TLE1: variants seen among roughly 807,000 people sequenced by gnomAD.
TLE1 encodes TLE family member 1, transcriptional corepressor.
TLE1 carries 21 observed loss-of-function variants against 89.8 expected under a neutral mutation model. The observed-to-expected ratio is 0.23, with a 90% confidence interval of 0.17 to 0.34. The LOEUF (loss-of-function observed/expected upper bound fraction) is 0.34, where lower values mean the gene tolerates loss of function less well. Ranked by LOEUF, TLE1 falls within the 10% of genes least tolerant of loss-of-function variation. TLE1 has a pLI of 1.00. For missense variants in TLE1, 795 were observed against 1,031.2 expected (o/e 0.77, Z 3.14); for synonymous variants, 447 against 407.6 (o/e 1.10, Z -1.16).
At chr9:81,657,904 ATTTTTTT>A (rs34624864) in intron 4 of TLE1, among the ~76,000 whole-genome samples, 1 of 134,014 alleles carries the variant, frequency 7.5e-6, no homozygotes, top group Non-Finnish European at 1.6e-5. Flanking sequence ...TACAGACATA[ATTTTTTT>A]TTTTTTTTTT....
chr9:81,643,161 T>A (rs1828370072), intron 6 of TLE1, among the ~76,000 whole-genome samples: 2 of 152,120 alleles, frequency 1.3e-5, no homozygotes, highest in African/African-American at 4.8e-5. Context: ...TACAACACGG[T>A]GACTATAGTT....
intron 6 of TLE1, among the ~76,000 whole-genome samples, chr9:81,648,233 A>G (rs1330904026): frequency 6.8e-6 from 1 of 147,098 alleles, no homozygotes; most frequent in African/African-American, 2.5e-5. Flanking sequence ...AGATCACACC[A>G]CTGCACTCCA....
intron 6 of TLE1, among the ~76,000 whole-genome samples, chr9:81,647,283 A>C (rs985830486): frequency 6.6e-6 from 1 of 152,342 alleles, no homozygotes; most frequent in Non-Finnish European, 1.5e-5. Flanking sequence ...TCTTGTGCCA[A>C]CAATGACACT....
intron 4 of TLE1, among the ~76,000 whole-genome samples, chr9:81,664,221 C>T (rs2132820697): frequency 6.6e-6 from 1 of 151,692 alleles, no homozygotes; most frequent in Non-Finnish European, 1.5e-5. Flanking sequence ...TCGAGACCAG[C>T]CTGGGCAACA....
At chr9:81,682,283 C>G (rs1003183328) in intron 4 of TLE1, among the ~76,000 whole-genome samples, 4 of 151,332 alleles carry the variant, frequency 2.6e-5, no homozygotes, top group African/African-American at 7.3e-5. Flanking sequence ...AGCAGCAGCA[C>G]AGACAACCCT....
chr9:81,640,403 A>G (rs980252428), intron 6 of TLE1, among the ~76,000 whole-genome samples: 1 of 152,184 alleles, frequency 6.6e-6, no homozygotes, highest in African/African-American at 2.4e-5. Flanking sequence ...AATTAAAAAA[A>G]AAAAAAAATC....
chr9:81,638,435 A>AGCGCTCCTCT, intron 6 of TLE1, among the ~76,000 whole-genome samples: 1 of 152,216 alleles, frequency 6.6e-6, no homozygotes, highest in Non-Finnish European at 1.5e-5. Context: ...CCAAAAGGAC[A>AGCGCTCCTCT]GCGCTCCTCT....
At chr9:81,624,726 G>C (rs1825700279) in intron 8 of TLE1, among the ~76,000 whole-genome samples, 1 of 151,994 alleles carries the variant, frequency 6.6e-6, no homozygotes, top group South Asian at 2.1e-4. Context: ...TCTATTACAA[G>C]TGTCCCAAGG....
chr9:81,610,108 GA>G, intron 14 of TLE1, 111 bp downstream of exon 14: 1 of 922,928 alleles, frequency 1.1e-6, no homozygotes, highest in Non-Finnish European at 1.7e-6. Flanking sequence ...AAAGACACCA[GA>G]AATCTCCTTG....
chr9:81,679,184 A>G (rs567060516), intron 4 of TLE1, among the ~76,000 whole-genome samples: 4 of 152,164 alleles, frequency 2.6e-5, no homozygotes, highest in Admixed American at 6.5e-5. Context: ...TGAAACATGT[A>G]ATTTTGCTAA....
rs1829382718 is a variant in TLE1, at chr9:81,590,842, T to C, written c.1792A>G (p.Ile598Val). The change falls in exon 16 of 20, where the codon ATC becomes GTC. Residue 598 changes from isoleucine to valine, a missense_variant. By Grantham distance (29) the Ile-to-Val change is conservative (BLOSUM62 3). This residue lies in a region of TLE1 where 214 missense variants were observed against 354.9 expected (regional missense o/e 0.60). Transcript: ENST00000376499. ...TGGTTGTGCAGATCCCACACAGCGATGTTGCCGTCGCTGCAGCATGAGAAG... is the reference window on the plus strand; with the variant it reads ...TGGTTGTGCAGATCCCACACAGCGACGTTGCCGTCGCTGCAGCATGAGAAG... ...VCFSCCSDGN[I>V]AVWDLHNQTL... 1 of 1,614,206 alleles carries C rather than the reference T, an allele frequency of 6.2e-7. No homozygotes were observed.
chr9:81,663,607 T>TAGACTTGCTA (rs1831090533), intron 4 of TLE1, among the ~76,000 whole-genome samples: 1 of 149,870 alleles, frequency 6.7e-6, no homozygotes, highest in African/African-American at 2.5e-5. Flanking sequence ...AGCAGAGGTA[T>TAGACTTGCTA]CCGCACAGAA....
rs1005242650 is a variant in TLE1, at chr9:81,687,203, A to T, written c.125+131T>A. 6 of 654,084 alleles carry T rather than the reference A, an allele frequency of 9.2e-6. No homozygotes were observed. In the South Asian group the frequency reaches 1.3e-4, roughly 14 times the overall value. 40.5% of individuals were successfully genotyped at this position (654,084 alleles called of 1,614,324 possible). On this transcript the variant is annotated intron_variant, in intron 2 of 19. Coordinates refer to ENST00000376499, the MANE Select transcript of TLE1 (RefSeq NM_005077.5). ...CAGGAAAGGGGGTAACTTGAATGACAGGTCTTAACTGAGACTCCACACGCC... is the reference window on the plus strand; with the variant it reads ...CAGGAAAGGGGGTAACTTGAATGACTGGTCTTAACTGAGACTCCACACGCC...
At chr9:81,687,529 CAT>C (rs532748618) in intron 1 of TLE1, 95 bp from the exon 2 acceptor site, 140 of 938,374 alleles carry the variant, frequency 1.5e-4, no homozygotes, top group African/African-American at 3.6e-4. Flanking sequence ...GGGACATAAA[CAT>C]AAAGTTAGAA....
intron 4 of TLE1, among the ~76,000 whole-genome samples, chr9:81,676,680 A>G (rs952953599): frequency 2.6e-5 from 4 of 152,206 alleles, no homozygotes; most frequent in Non-Finnish European, 5.9e-5. Context: ...GTCAAAATTT[A>G]AAAGAACACA....
intron 6 of TLE1, among the ~76,000 whole-genome samples, chr9:81,639,930 T>C (rs1005873215): frequency 2.6e-5 from 4 of 152,156 alleles, no homozygotes; most frequent in African/African-American, 7.2e-5. Flanking sequence ...TCTAGCAATA[T>C]AGCTGGTTTC....
At chr9:81,665,542 G>A (rs1831353117) in intron 4 of TLE1, among the ~76,000 whole-genome samples, 1 of 152,104 alleles carries the variant, frequency 6.6e-6, no homozygotes, top group South Asian at 2.1e-4. Flanking sequence ...CGTGCTGAAG[G>A]CTGCTTGGGC....
chr9:81,654,435 G>A (rs951814592), intron 4 of TLE1, among the ~76,000 whole-genome samples: 1 of 152,080 alleles, frequency 6.6e-6, no homozygotes, highest in African/African-American at 2.4e-5. Flanking sequence ...CTGCCTCCCG[G>A]GTTCACACCC....
chr9:81,624,519 A>G (rs531676047), intron 8 of TLE1, among the ~76,000 whole-genome samples: 2 of 152,194 alleles, frequency 1.3e-5, no homozygotes, highest in African/African-American at 4.8e-5. Context: ...AGTAGAATTC[A>G]TTTTTCAAAT....
Sources: allele counts gnomAD v4.1 joint callset (sites outside exome capture counted in the v4.1 genomes callset), GRCh38; gene constraint gnomAD v4.1.1; regional missense constraint gnomAD v4.1.1; transcripts MANE v1.5; gene names NCBI Gene and HGNC (gene_info 2026-07-23, HGNC 2026-07-21).